Variants in NNT observed in about 807,000 individuals in gnomAD.
The protein encoded by NNT is NAD(P) transhydrogenase, mitochondrial.
NNT carries 50 observed loss-of-function variants against 104.8 expected under a neutral mutation model. That is an observed-to-expected ratio of 0.48 (90% CI 0.38 to 0.60). NNT has a LOEUF of 0.60. NNT is among the 20% of genes least tolerant of loss of function. The pLI, the probability that NNT is intolerant of heterozygous loss-of-function variation, is 0.00. For missense variants in NNT, 1,131 were observed against 1,330.7 expected (o/e 0.85, Z 2.33); for synonymous variants, 461 against 490.4 (o/e 0.94, Z 0.79).
rs757700420 is a variant in NNT at position 43,653,194 on chromosome 5, G to T, written c.2040G>T (p.Met680Ile). ...PELLAQMSGA[M>I]ALGGTIGLTI... is the part of the protein sequence containing the mutation. ...TACTAGCTCAGATGTCTGGAGCGAT[G>T]GCTTTGGGTGGTACCATTGGTAAGC... Residue 680 changes from methionine to isoleucine, a missense_variant, in exon 14 of 22, where the codon ATG becomes ATT. Transcript: ENST00000344920. The T allele has an allele frequency of 2.5e-6, 4 of 1,613,878 alleles. No homozygotes were observed. The Admixed American group carries it at 6.7e-5, about 27-fold the overall frequency.
rs544282886 is a variant in NNT, at chr5:43,672,999, C to A, written c.2635-2512C>A. ...TCAGCAATGGTGGGCGTCCCTCCCC[C>A]AGCCTTGCTGCCACCTTGCAGTTCG... On this transcript the variant is annotated intron_variant, in intron 17 of 21. Transcript: ENST00000344920. Among the ~76,000 whole-genome samples the A allele has an allele frequency of 1.8e-4, 28 of 152,332 alleles. 1 individual carries two copies. The highest frequency in any genetic ancestry group is 2.1e-4 in the South Asian group (1 of 4,824).
intron 19 of NNT, among the ~76,000 whole-genome samples, chr5:43,689,187 T>G (rs1248723653): frequency 2.0e-5 from 3 of 152,226 alleles, no homozygotes; most frequent in African/African-American, 4.8e-5. Flanking sequence ...ATATCTTCTT[T>G]GAGAGTTGTC....
chr5:43,632,149 C>T (rs913671928), intron 7 of NNT, among the ~76,000 whole-genome samples: 3 of 152,118 alleles, frequency 2.0e-5, no homozygotes, highest in African/African-American at 7.2e-5. Flanking sequence ...AAAACAATAT[C>T]CTTGGCATTA....
At chr5:43,671,614 C>T (rs1741095673) in intron 17 of NNT, among the ~76,000 whole-genome samples, 1 of 152,210 alleles carries the variant, frequency 6.6e-6, no homozygotes, top group South Asian at 2.1e-4. Flanking sequence ...TATTGGCCCC[C>T]ACTCTCTTCT....
intron 16 of NNT, among the ~76,000 whole-genome samples, chr5:43,658,613 GTC>G (rs1740185053): frequency 6.6e-6 from 1 of 152,186 alleles, no homozygotes; most frequent in African/African-American, 2.4e-5. Context: ...ATTGCTTGGA[GTC>G]TGTCTCACAT....
chr5:43,640,129 A>G (rs1195687219), intron 7 of NNT, among the ~76,000 whole-genome samples: 1 of 151,858 alleles, frequency 6.6e-6, no homozygotes, highest in Non-Finnish European at 1.5e-5. Flanking sequence ...TTTCTTTTTT[A>G]TCAGCCTTTG....
At chr5:43,659,457 A>G in intron 17 of NNT, 107 bp downstream of exon 17, 3 of 983,078 alleles carry the variant, frequency 3.1e-6, no homozygotes, top group Non-Finnish European at 2.9e-6. Context: ...TAGGCTGGGC[A>G]TGGTAGCTCA....
chr5:43,702,795 CAGA>C, intron 21 of NNT, 59 bp downstream of exon 21: 2 of 1,209,122 alleles, frequency 1.7e-6, no homozygotes, highest in Non-Finnish European at 2.4e-6. Context: ...AATATACACA[CAGA>C]ACTTTCTTTG....
At chr5:43,681,187 G>C (rs1561318909) in intron 19 of NNT, among the ~76,000 whole-genome samples, 1 of 149,808 alleles carries the variant, frequency 6.7e-6, no homozygotes, top group Non-Finnish European at 1.5e-5. Flanking sequence ...GTGAACCCAG[G>C]AGGTGGAGCT....
At chr5:43,622,817 G>C (rs1031087218) in intron 5 of NNT, among the ~76,000 whole-genome samples, 12 of 150,456 alleles carry the variant, frequency 8.0e-5, no homozygotes, top group Admixed American at 7.9e-4. Flanking sequence ...AGTAAATTTC[G>C]ATAGTAAGAT....
chr5:43,648,140 G>A, intron 10 of NNT: 3 of 1,172,902 alleles, frequency 2.6e-6, no homozygotes, highest in Non-Finnish European at 3.2e-6. Context: ...TCACCAGATG[G>A]TTAATGGGCT....
intron 10 of NNT, chr5:43,647,982 A>T: frequency 3.4e-6 from 2 of 592,690 alleles, no homozygotes; most frequent in Non-Finnish European, 5.7e-6. Context: ...CAGAGAGGTT[A>T]AGTAACTTGC....
Position 43,707,178 on chromosome 5 carries a change from G to T in NNT, c.*2774G>T, listed in dbSNP as rs1452409076. ...AGAAGTTATTTGCTGAAATAAATGT[G>T]ATCTTTCCCATTAAAAAAATAAAGA... On this transcript the variant is annotated 3_prime_UTR_variant, in exon 22 of 22. Coordinates refer to ENST00000344920, the MANE Select transcript of NNT (RefSeq NM_182977.3). 1 of 151,272 alleles carries T rather than the reference G, an allele frequency of 6.6e-6. No homozygotes were observed. The allele number at this position is 151,272 out of a possible 1,614,324, so 9.4% of individuals were successfully genotyped here.
At chr5:43,647,418 T>A (rs1253248685) in intron 10 of NNT, among the ~76,000 whole-genome samples, 1 of 152,256 alleles carries the variant, frequency 6.6e-6, no homozygotes, top group Admixed American at 6.5e-5. Flanking sequence ...ATTTCTTGAA[T>A]CAGGGCATAT....
At chr5:43,701,218 C>A (rs1274376241) in intron 20 of NNT, among the ~76,000 whole-genome samples, 2 of 152,138 alleles carry the variant, frequency 1.3e-5, no homozygotes, top group Admixed American at 6.6e-5. Context: ...AGTTTTTCAA[C>A]CCTTGCCCAT....
chr5:43,693,958 T>G (rs1742422577), intron 19 of NNT, among the ~76,000 whole-genome samples: 1 of 152,194 alleles, frequency 6.6e-6, no homozygotes, highest in South Asian at 2.1e-4. Flanking sequence ...TGTTTCTACT[T>G]GCTATCAGTG....
chr5:43,704,679 A>T lies in NNT; in HGVS notation c.*275A>T, dbSNP rs1263031790. 2 of 325,922 alleles carry T rather than the reference A, an allele frequency of 6.1e-6. No homozygotes were observed. Among genetic ancestry groups the T allele is most frequent in the African/African-American group, 4.5e-5 (2 of 44,844 alleles). 20.2% of individuals were successfully genotyped at this position (325,922 alleles called of 1,614,324 possible). ...TTATAAAAGGAGAAAGAACAGCCTC[A>T]TTTTAGATGTAGTCCTGTTGGATTT... On this transcript the variant is annotated 3_prime_UTR_variant, in exon 22 of 22. Transcript: ENST00000344920.
At chr5:43,673,174 C>G (rs567515157) in intron 17 of NNT, among the ~76,000 whole-genome samples, 2 of 152,320 alleles carry the variant, frequency 1.3e-5, no homozygotes, top group South Asian at 4.1e-4. Flanking sequence ...TTTCCGGGTG[C>G]CCTCCATCAC....
chr5:43,633,914 G>T (rs1365062054), intron 7 of NNT, among the ~76,000 whole-genome samples: 1 of 152,168 alleles, frequency 6.6e-6, no homozygotes, highest in Non-Finnish European at 1.5e-5. Context: ...GAGGTGGCTG[G>T]CTAGCTAGAC....
Sources: gnomAD v4.1 joint callset for allele counts (sites outside exome capture counted in the v4.1 genomes callset) on GRCh38, gnomAD v4.1.1 for gene constraint, MANE v1.5 for transcripts, NCBI Gene and HGNC (gene_info 2026-07-23, HGNC 2026-07-21) for gene names.